The following GPR89B variants were observed in gnomAD, a reference collection of about 807,000 sequenced individuals.
GPR89B encodes golgi pH regulator B, also known as G protein-coupled receptor 89B.
In GPR89B, 25 loss-of-function variants were observed where a neutral mutation model predicts 52.4. That is an observed-to-expected ratio of 0.48 (90% confidence interval 0.35 to 0.67). GPR89B has a LOEUF of 0.67. Among genes scored for constraint, GPR89B ranks in the 30% least tolerant of loss-of-function variants. GPR89B has a pLI of 0.01. For synonymous variants in GPR89B, 52 were observed against 151.2 expected, an observed-to-expected ratio of 0.34 and a Z score of 4.81; for missense variants, 146 against 450.2, an observed-to-expected ratio of 0.32 and a Z score of 6.11.
chr1:147,970,109 T>A, intron 10 of GPR89B, 150 bp downstream of exon 10: 1 of 1,080,350 alleles, frequency 9.3e-7, no homozygotes, highest in Non-Finnish European at 1.3e-6. Flanking sequence ...CTGGGCTTCA[T>A]TTGTTATCCT....
At chr1:147,947,703 A>G (rs1452612634) in intron 5 of GPR89B, among the ~76,000 whole-genome samples, 1 of 152,118 alleles carries the variant, frequency 6.6e-6, no homozygotes, top group Non-Finnish European at 1.5e-5. Flanking sequence ...TAGAGGGGGA[A>G]TTTTTTCAGT....
At chr1:147,992,443 T>C in intron 12 of GPR89B, 59 bp from the exon 13 acceptor site, 1 of 1,575,264 alleles carries the variant, frequency 6.3e-7, no homozygotes, top group Non-Finnish European at 8.7e-7. Flanking sequence ...TATTTCTTAC[T>C]GTTCGTGACA....
intron 7 of GPR89B, among the ~76,000 whole-genome samples, chr1:147,963,498 T>TA (rs1656789917): frequency 2.0e-5 from 3 of 151,508 alleles, no homozygotes; most frequent in Non-Finnish European, 4.4e-5. Flanking sequence ...ATTCAAAGCT[T>TA]ACATTTAAAA....
At chr1:147,988,834 G>C (rs1275074348) in intron 12 of GPR89B, among the ~76,000 whole-genome samples, 1 of 151,246 alleles carries the variant, frequency 6.6e-6, no homozygotes, top group Non-Finnish European at 1.5e-5. Flanking sequence ...CTGCACTCCA[G>C]CCTGGTGAAA....
intron 7 of GPR89B, among the ~76,000 whole-genome samples, chr1:147,959,852 T>C (rs1656402003): frequency 1.3e-5 from 2 of 151,630 alleles, no homozygotes; most frequent in Admixed American, 6.6e-5. Flanking sequence ...TTCTGAGCTA[T>C]GTGCAGGTTG....
intron 1 of GPR89B, among the ~76,000 whole-genome samples, chr1:147,930,809 T>G (rs1558027825): frequency 1.3e-5 from 2 of 152,126 alleles, no homozygotes; most frequent in Non-Finnish European, 2.9e-5. Flanking sequence ...AATTTATTCT[T>G]TAGACTTCCT....
At chr1:147,965,684 G>T (rs1485392899) in intron 7 of GPR89B, among the ~76,000 whole-genome samples, 1 of 152,048 alleles carries the variant, frequency 6.6e-6, no homozygotes, top group Non-Finnish European at 1.5e-5. Context: ...GAGGGTATTG[G>T]ACTTAGAGAC....
chr1:147,945,810 C>T (rs587609222), intron 5 of GPR89B, among the ~76,000 whole-genome samples: 33 of 151,030 alleles, frequency 2.2e-4, no homozygotes, highest in African/African-American at 5.6e-4. Context: ...CTGCAACCTC[C>T]GACTCCCAGG....
the GPR89B span, among the ~76,000 whole-genome samples, chr1:148,016,011 CAT>C: frequency 6.6e-6 from 1 of 151,010 alleles, no homozygotes; most frequent in Admixed American, 6.6e-5. Context: ...TTATTGCTGA[CAT>C]GTACTTTGCT....
At chr1:147,962,176 C>T (rs1466045028) in intron 7 of GPR89B, among the ~76,000 whole-genome samples, 2 of 151,694 alleles carry the variant, frequency 1.3e-5, no homozygotes, top group Admixed American at 6.6e-5. Context: ...GTAATCCCAG[C>T]ACTTTGGGAG....
At chr1:147,977,306 G>T (rs1472310714) in intron 10 of GPR89B, among the ~76,000 whole-genome samples, 1 of 148,686 alleles carries the variant, frequency 6.7e-6, no homozygotes, top group Non-Finnish European at 1.5e-5. Flanking sequence ...GGCTTATAGG[G>T]TTTCCACTGA....
rs1164835926 is a variant in GPR89B at position 147,992,577 on chromosome 1, A to G, written c.1161+10A>G. On this transcript the variant is annotated intron_variant, in intron 13 of 13. Transcript: ENST00000314163. ...ATTAGCACAGATAATGGTAAGTTTA[A>G]TTAGTTACCTTTATGTTGACAGCTG... 1,367 of 1,611,676 alleles carry G rather than the reference A, an allele frequency of 8.5e-4. 2 individuals carry two copies. The highest frequency in any genetic ancestry group is 1.1e-3 in the Non-Finnish European group (1,300 of 1,179,612).
At chr1:148,014,545 C>G in the GPR89B span, 1 of 151,572 alleles carries the variant, frequency 6.6e-6, no homozygotes, top group Non-Finnish European at 1.5e-5. Context: ...AGGGAGAACC[C>G]CCTTCCTGAC....
chr1:147,964,077 G>A (rs1656847749), intron 7 of GPR89B, among the ~76,000 whole-genome samples: 6 of 151,956 alleles, frequency 3.9e-5, no homozygotes. Context: ...AAAGATCCTT[G>A]TAGTGATGGA....
At position 147,986,232 on chromosome 1, in the gene GPR89B, A is replaced by G. The variant is rs2149092914; in HGVS notation, c.943A>G (p.Lys315Glu). ...CAATATTGTTTTTGATCGAGTTGGG[A>G]AAACGGATCCTGTCACAAGAGGCAT... is the stretch of plus-strand genomic sequence containing the variant. ...TINIVFDRVG[K>E]TDPVTRGIEI... Residue 315 changes from lysine (K) to glutamate (E), a missense_variant, in exon 11 of 14, where the codon AAA becomes GAA. By Grantham distance (56) the Lys-to-Glu change is moderately conservative. Transcript: ENST00000314163. 1.2e-6 allele frequency: 2 copies of G among 1,611,434 alleles called. No homozygotes were observed. The highest frequency in any genetic ancestry group is 4.5e-5 in the East Asian group (2 of 44,846).
chr1:147,986,299 G>C lies in GPR89B; in HGVS notation c.1005+5G>C. On this transcript the variant is annotated splice_donor_5th_base_variant and intron_variant, in intron 11 of 13. Transcript: ENST00000314163. ...TATCTGGGAATCCAATTTGATGTAA[G>C]TGTTATATCAAGATCCTGGTTTGTC... 6.2e-7 allele frequency: 1 copy of C among 1,610,800 alleles called. No homozygotes were observed. The highest frequency in any genetic ancestry group is 2.2e-5 in the East Asian group (1 of 44,834).
At chr1:147,975,092 T>C (rs1657739318) in intron 10 of GPR89B, among the ~76,000 whole-genome samples, 1 of 148,534 alleles carries the variant, frequency 6.7e-6, no homozygotes, top group African/African-American at 2.5e-5. Context: ...ATTGAGGATT[T>C]TCACATCAAT....
intron 3 of GPR89B, among the ~76,000 whole-genome samples, chr1:147,940,351 C>T (rs1268203215): frequency 3.3e-5 from 5 of 151,296 alleles, no homozygotes; most frequent in Non-Finnish European, 7.4e-5. Flanking sequence ...TGCAGTGAGC[C>T]GAGATTGTGC....
At chr1:147,978,309 G>A (rs1254193253) in intron 10 of GPR89B, among the ~76,000 whole-genome samples, 1 of 151,912 alleles carries the variant, frequency 6.6e-6, no homozygotes, top group Non-Finnish European at 1.5e-5. Context: ...GGTCCCTCTC[G>A]CATCTGGAGG....
Sources: allele counts gnomAD v4.1 joint callset (sites outside exome capture counted in the v4.1 genomes callset), GRCh38; gene constraint gnomAD v4.1.1; transcripts MANE v1.5; gene names NCBI Gene and HGNC (gene_info 2026-07-23, HGNC 2026-07-21).